The following CEP20 variants were observed in gnomAD, a reference collection of about 807,000 sequenced individuals.
CEP20 encodes centrosomal protein 20, also known as FGFR1OP N-terminal like.
Under a neutral mutation model 20.0 loss-of-function variants are expected in CEP20, and 18 were observed. The observed-to-expected ratio is 0.90, with a 90% CI of 0.62 to 1.34. CEP20 has a LOEUF of 1.34. Ranked by LOEUF, CEP20 falls within the 40% of genes most tolerant of loss-of-function variation. The pLI is 0.00. For synonymous variants in CEP20, 77 were observed against 73.7 expected (o/e 1.04, Z -0.23); for missense variants, 215 against 201.6 (o/e 1.07, Z -0.40).
rs2044700374 is a variant in CEP20, at chr16:15,867,170, T to A, written c.*270A>T. ...TTGCAGTGAGCCGAGATCGTGCCAC[T>A]GCACTCCAGTCTGGGTGACAGAGCG... On this transcript the variant is annotated 3_prime_UTR_variant, in exon 5 of 5. Coordinates refer to ENST00000255759, the MANE Select transcript of CEP20 (RefSeq NM_144600.4). 1 of 251,922 alleles carries A rather than the reference T, an allele frequency of 4.0e-6. No homozygotes were observed. Among genetic ancestry groups the A allele is most frequent in the South Asian group, 7.6e-5 (1 of 13,094 alleles). The allele number at this position is 251,922 out of a possible 1,614,324, so 15.6% of individuals were successfully genotyped here. A position where few individuals can be genotyped will look rare whatever the true frequency, so the allele number is the denominator to read the frequency against.
At chr16:15,879,235 T>C (rs1033128546) in intron 3 of CEP20, among the ~76,000 whole-genome samples, 11 of 152,018 alleles carry the variant, frequency 7.2e-5, no homozygotes, top group African/African-American at 2.4e-4. Context: ...AAGCTTGGGG[T>C]TGGAAGTTCA....
rs997346226 is a variant in CEP20 at position 15,867,306 on chromosome 16, T to C, written c.*134A>G. ...GTTAGCTTTTATTCACAAATGTAGT[T>C]AAACATGAGGGGTGTTTTGTAGAAA... On this transcript the variant is annotated 3_prime_UTR_variant, in exon 5 of 5. Transcript: ENST00000255759. 1.9e-6 allele frequency: 1 copy of C among 533,654 alleles called. No individual in the cohort carries two copies. Among genetic ancestry groups the C allele is most frequent in the Non-Finnish European group, 3.2e-6 (1 of 315,048 alleles). 33.1% of individuals were successfully genotyped at this position (533,654 alleles called of 1,614,324 possible). A position where few individuals can be genotyped will look rare whatever the true frequency, so the allele number is the denominator to read the frequency against.
At chr16:15,871,073 G>A (rs2044805322) in intron 4 of CEP20, among the ~76,000 whole-genome samples, 1 of 151,896 alleles carries the variant, frequency 6.6e-6, no homozygotes, top group South Asian at 2.1e-4. Flanking sequence ...GACCAGCCTG[G>A]CCAACACAGT....
At chr16:15,869,132 A>C (rs925761929) in intron 4 of CEP20, among the ~76,000 whole-genome samples, 3 of 151,920 alleles carry the variant, frequency 2.0e-5, no homozygotes, top group African/African-American at 7.3e-5. Context: ...GTTGAATAGC[A>C]AAAACTACTT....
At chr16:15,875,077 G>A (rs766932292) in intron 3 of CEP20, among the ~76,000 whole-genome samples, 2 of 152,162 alleles carry the variant, frequency 1.3e-5, no homozygotes, top group Non-Finnish European at 2.9e-5. Flanking sequence ...ACGTGACTAA[G>A]CCAATCCCAA....
At chr16:15,880,632 G>A (rs967298185) in intron 2 of CEP20, among the ~76,000 whole-genome samples, 2 of 152,104 alleles carry the variant, frequency 1.3e-5, no homozygotes, top group African/African-American at 2.4e-5. Flanking sequence ...GCTACATCAT[G>A]TACGGTTCCA....
intron 4 of CEP20, among the ~76,000 whole-genome samples, chr16:15,873,149 C>T (rs1567234659): frequency 6.6e-6 from 1 of 151,838 alleles, no homozygotes; most frequent in East Asian, 1.9e-4. Context: ...CACCATGTCA[C>T]TTAGGCTAGT....
At chr16:15,882,672 C>A (rs1025704406) in intron 2 of CEP20, among the ~76,000 whole-genome samples, 14 of 152,078 alleles carry the variant, frequency 9.2e-5, no homozygotes, top group Non-Finnish European at 1.8e-4. Flanking sequence ...TAGATACATA[C>A]ATTTGTAAAT....
Position 15,882,781 on chromosome 16 carries a change from A to ATC in CEP20, c.226+1226_226+1227insGA, listed in dbSNP as rs1491249286. Among the ~76,000 whole-genome samples, 68 of 34,296 alleles carry ATC rather than the reference A, an allele frequency of 2.0e-3. No individual in the cohort carries two copies. In the East Asian group the frequency reaches 0.029, roughly 15 times the overall value. 22.5% of individuals were successfully genotyped at this position (34,296 alleles called of 152,430 possible). A position where few individuals can be genotyped will look rare whatever the true frequency, so the allele number is the denominator to read the frequency against. ...TATCTATCTATCTATCTATCTATCT[A>ATC]GATACACACACACACACACACAAAT... On this transcript the variant is annotated intron_variant, in intron 2 of 4. Coordinates refer to ENST00000255759, the MANE Select transcript of CEP20 (RefSeq NM_144600.4).
intron 3 of CEP20, among the ~76,000 whole-genome samples, chr16:15,878,606 C>T (rs540048194): frequency 6.0e-4 from 91 of 152,002 alleles, no homozygotes; most frequent in African/African-American, 2.2e-3. Flanking sequence ...AAGCGATTCT[C>T]ATGCCTGAGC....
At chr16:15,888,480 G>A in intron 1 of CEP20, 78 bp downstream of exon 1, 1 of 1,585,772 alleles carries the variant, frequency 6.3e-7, no homozygotes, top group South Asian at 1.1e-5. Flanking sequence ...TGTTCCGCGC[G>A]CTCTCCTCCC....
intron 2 of CEP20, among the ~76,000 whole-genome samples, chr16:15,883,300 T>G (rs1334059211): frequency 6.6e-6 from 1 of 152,068 alleles, no homozygotes; most frequent in East Asian, 1.9e-4. Flanking sequence ...GAGGTGAAAG[T>G]TGCAATAAGC....
chr16:15,877,335 C>T (rs1435222423), intron 3 of CEP20: 1 of 152,312 alleles, frequency 6.6e-6, no homozygotes, highest in Non-Finnish European at 1.5e-5. Context: ...ATAGTCATTG[C>T]TTATTTCCAT....
At position 15,867,423 on chromosome 16, in the gene CEP20, A is replaced by G; in HGVS notation, c.*17T>C. The G allele has an allele frequency of 6.4e-7, 1 of 1,559,102 alleles. No individual in the cohort carries two copies. Among genetic ancestry groups the G allele is most frequent in the African/African-American group, 1.4e-5 (1 of 73,420 alleles). Reference sequence around the variant, plus strand: ...TAATAATACAATTTTAAGACAAAAGATACCCCAAACAAAGCATTATCTGTT... The same window carrying G: ...TAATAATACAATTTTAAGACAAAAGGTACCCCAAACAAAGCATTATCTGTT... On this transcript the variant is annotated 3_prime_UTR_variant, in exon 5 of 5. Transcript: ENST00000255759.
intron 4 of CEP20, among the ~76,000 whole-genome samples, chr16:15,870,909 C>T (rs2044799542): frequency 6.6e-6 from 1 of 152,092 alleles, no homozygotes; most frequent in Non-Finnish European, 1.5e-5. Flanking sequence ...AAGCAAATTG[C>T]AGGATAACGT....
chr16:15,881,012 C>G (rs973976916), intron 2 of CEP20, among the ~76,000 whole-genome samples: 1 of 151,958 alleles, frequency 6.6e-6, no homozygotes, highest in Admixed American at 6.6e-5. Context: ...TATATTACAA[C>G]ACAATCATAG....
At chr16:15,888,106 G>A (rs929734634) in intron 1 of CEP20, among the ~76,000 whole-genome samples, 5 of 151,082 alleles carry the variant, frequency 3.3e-5, no homozygotes, top group African/African-American at 4.9e-5. Context: ...AAGGAGGGGA[G>A]GGCTACTTAA....
chr16:15,875,018 C>T lies in CEP20; in HGVS notation c.312-1391G>A, dbSNP rs543038531. Among the ~76,000 whole-genome samples the T allele has an allele frequency of 3.9e-5, 6 of 152,282 alleles. No homozygotes were observed. The East Asian group carries it at 1.2e-3, about 29-fold the overall frequency. On this transcript the variant is annotated intron_variant, in intron 3 of 4. Coordinates refer to ENST00000255759, the MANE Select transcript of CEP20 (RefSeq NM_144600.4). ...ACATTCAAGGCTTCCGACTACAACC[C>T]TGGCTGGCATCTTGACTCCAACCTC...
intron 1 of CEP20, among the ~76,000 whole-genome samples, chr16:15,887,666 A>G (rs1373568661): frequency 2.0e-5 from 3 of 152,178 alleles, no homozygotes; most frequent in African/African-American, 7.2e-5. Context: ...TATTATTACT[A>G]TTACTTGTCT....
Sources: gnomAD v4.1 joint callset for allele counts (sites outside exome capture counted in the v4.1 genomes callset) on GRCh38, gnomAD v4.1.1 for gene constraint, MANE v1.5 for transcripts, NCBI Gene and HGNC (gene_info 2026-07-23, HGNC 2026-07-21) for gene names.